The following MYO16 variants were observed in gnomAD, a reference collection of about 807,000 sequenced individuals.
MYO16 encodes the protein unconventional myosin-XVI.
MYO16 carries 94 observed loss-of-function variants against 205.3 expected under a neutral mutation model. The ratio of observed to expected loss-of-function variants is 0.46; its 90% CI spans 0.39 to 0.54. The LOEUF (loss-of-function observed/expected upper bound fraction) is 0.54. Among genes scored for constraint, MYO16 ranks in the 20% least tolerant of loss-of-function variants. The pLI, the probability that MYO16 is intolerant of heterozygous loss-of-function variation, is 0.00. For synonymous variants in MYO16, 988 were observed against 954.0 expected (o/e 1.04, Z -0.66); for missense variants, 2,315 against 2,387.5 (o/e 0.97, Z 0.63).
the MYO16 span, among the ~76,000 whole-genome samples, chr13:108,555,066 T>G: frequency 6.6e-6 from 1 of 152,154 alleles, no homozygotes; most frequent in Non-Finnish European, 1.5e-5. Flanking sequence ...TCGGCTAGTC[T>G]CAAAAGAGAA....
intron 23 of MYO16, among the ~76,000 whole-genome samples, chr13:109,035,692 TAATTA>T (rs982865676): frequency 2.0e-5 from 3 of 152,128 alleles, no homozygotes; most frequent in Admixed American, 1.3e-4. Context: ...TCAAAAAAAT[TAATTA>T]AATAAAATAA....
chr13:108,928,020 T>A (rs1882087155), intron 16 of MYO16, among the ~76,000 whole-genome samples: 1 of 152,230 alleles, frequency 6.6e-6, no homozygotes, highest in African/African-American at 2.4e-5. Context: ...TCTAGAACCT[T>A]CTACCCTTCC....
intron 2 of MYO16, among the ~76,000 whole-genome samples, chr13:108,684,609 A>C (rs928966343): frequency 6.6e-6 from 1 of 152,138 alleles, no homozygotes; most frequent in African/African-American, 2.4e-5. Flanking sequence ...GTTTTGTTCT[A>C]ATAAGGGAGC....
At chr13:108,999,372 G>A (rs1885140449) in intron 21 of MYO16, among the ~76,000 whole-genome samples, 1 of 152,044 alleles carries the variant, frequency 6.6e-6, no homozygotes. Flanking sequence ...TCATTTCAGG[G>A]ACTTACCAGC....
At chr13:108,583,551 A>G in the MYO16 span, among the ~76,000 whole-genome samples, 1 of 152,206 alleles carries the variant, frequency 6.6e-6, no homozygotes, top group South Asian at 2.1e-4. Flanking sequence ...CCAGTGATAT[A>G]CTATTTTTTA....
At chr13:109,203,032 A>T in intron 34 of MYO16, among the ~76,000 whole-genome samples, 1 of 152,328 alleles carries the variant, frequency 6.6e-6, no homozygotes, top group Middle Eastern at 3.4e-3. Flanking sequence ...CTCTCACCTT[A>T]TTCAAAAATC....
intron 2 of MYO16, among the ~76,000 whole-genome samples, chr13:108,696,218 C>A (rs1283632997): frequency 2.0e-5 from 3 of 152,150 alleles, no homozygotes; most frequent in African/African-American, 7.2e-5. Context: ...TATGTTCCAG[C>A]AATTCCACCT....
Position 108,622,379 on chromosome 13 carries a change from T to C in MYO16, c.-39+26140T>C, listed in dbSNP as rs11838687. Among the ~76,000 whole-genome samples, 1,386 of 152,172 alleles carry C rather than the reference T, an allele frequency of 9.1e-3. 27 individuals are homozygous for C. Among genetic ancestry groups the C allele is most frequent in the African/African-American group, 0.03 (1,229 of 41,516 alleles). ...CACAGGAATTTGAACCTCAACCAGG[T>C]GACCTGACCTTTAGGGAGTGACAGA... is the stretch of plus-strand genomic sequence containing the variant. On this transcript the variant is annotated intron_variant, in intron 1 of 24. Transcript: ENST00000251041.
At chr13:108,934,658 C>T (rs1351423282) in intron 16 of MYO16, among the ~76,000 whole-genome samples, 4 of 152,050 alleles carry the variant, frequency 2.6e-5, no homozygotes, top group Admixed American at 1.3e-4. Flanking sequence ...AGGATTTAAT[C>T]ATAAATTCTA....
At chr13:108,759,489 G>C (rs978162607) in intron 4 of MYO16, among the ~76,000 whole-genome samples, 1 of 152,174 alleles carries the variant, frequency 6.6e-6, no homozygotes, top group African/African-American at 2.4e-5. Flanking sequence ...AAATGAGAGA[G>C]TATTATATGA....
chr13:108,619,379 T>C (rs1027611926), intron 1 of MYO16, among the ~76,000 whole-genome samples: 17 of 152,158 alleles, frequency 1.1e-4, no homozygotes, highest in Non-Finnish European at 8.8e-5. Context: ...AAATTTCAAA[T>C]ATAAACATAT....
chr13:108,972,574 TG>T (rs1185104256), intron 20 of MYO16, among the ~76,000 whole-genome samples: 1 of 150,556 alleles, frequency 6.6e-6, no homozygotes, highest in Non-Finnish European at 1.5e-5. Flanking sequence ...GGAGATATTT[TG>T]TTCTTGGGAA....
intron 2 of MYO16, among the ~76,000 whole-genome samples, chr13:108,666,409 T>C (rs1881733539): frequency 6.6e-6 from 1 of 152,046 alleles, no homozygotes; most frequent in South Asian, 2.1e-4. Flanking sequence ...GAATTAGCTA[T>C]CAGTAAAGCA....
chr13:109,026,915 C>T (rs1158181088), intron 23 of MYO16, among the ~76,000 whole-genome samples: 1 of 152,154 alleles, frequency 6.6e-6, no homozygotes, highest in African/African-American at 2.4e-5. Context: ...TTACTATTTC[C>T]GTTTTCCAGG....
intron 4 of MYO16, among the ~76,000 whole-genome samples, chr13:108,754,122 ACTGTAGCATGCAGGACAAG>A (rs1885341197): frequency 1.3e-5 from 2 of 151,228 alleles, no homozygotes; most frequent in South Asian, 2.1e-4. Context: ...TGCAGAACAA[ACTGTAGCATGCAGGACAAG>A]CTGTAGCATG....
At chr13:108,934,293 G>A (rs1396790008) in intron 16 of MYO16, among the ~76,000 whole-genome samples, 3 of 152,018 alleles carry the variant, frequency 2.0e-5, no homozygotes, top group Admixed American at 1.3e-4. Flanking sequence ...CATTCTGATT[G>A]GTATGAAATG....
At chr13:108,684,768 A>T (rs572548862) in intron 2 of MYO16, among the ~76,000 whole-genome samples, 1 of 152,284 alleles carries the variant, frequency 6.6e-6, no homozygotes, top group South Asian at 2.1e-4. Flanking sequence ...ACTCCATAAA[A>T]ACCTCTGAAC....
intron 2 of MYO16, 120 bp downstream of exon 2, chr13:108,666,269 T>C (rs1881725961): frequency 8.8e-7 from 1 of 1,133,332 alleles, no homozygotes; most frequent in Non-Finnish European, 1.2e-6. Context: ...TATTGGAGGC[T>C]ACTATCTTTT....
intron 33 of MYO16, among the ~76,000 whole-genome samples, chr13:109,177,737 G>A (rs1390356084): frequency 2.0e-5 from 3 of 152,086 alleles, no homozygotes; most frequent in Admixed American, 6.5e-5. Context: ...GGCTGGTCTC[G>A]ATCTCCTGAC....
Sources: allele counts gnomAD v4.1 joint callset (sites outside exome capture counted in the v4.1 genomes callset), GRCh38; gene constraint gnomAD v4.1.1; transcripts MANE v1.5; gene names NCBI Gene and HGNC (gene_info 2026-07-23, HGNC 2026-07-21).